Variants in KIRREL3 observed in about 807,000 individuals in gnomAD.
KIRREL3 encodes kin of IRRE-like protein 3.
KIRREL3 carries 36 observed loss-of-function variants against 89.7 expected under a neutral mutation model. That is an observed-to-expected ratio of 0.40 (90% CI 0.31 to 0.53). The LOEUF (loss-of-function observed/expected upper bound fraction) is 0.53. Ranked by LOEUF, KIRREL3 falls within the 20% of genes least tolerant of loss-of-function variation. The probability of loss-of-function intolerance (pLI) is 0.49; values close to 1 mark genes in which losing one functional copy is unlikely to be tolerated. For missense variants in KIRREL3, 864 were observed against 1,056.6 expected, an observed-to-expected ratio of 0.82 and a Z score of 2.53; for synonymous variants, 445 against 441.4, an observed-to-expected ratio of 1.01 and a Z score of -0.10.
rs141515032 is a variant in KIRREL3 at position 126,627,443 on chromosome 11, G to A, written c.56-64531C>T. On this transcript the variant is annotated intron_variant, in intron 1 of 16. Coordinates refer to ENST00000525144, the MANE Select transcript of KIRREL3 (RefSeq NM_032531.4). This position sits in a 1 kb window ranked among gnomAD's most constrained non-coding sequence, Gnocchi z 5.0. ...GGTCCTTGCTGGGACAACCAGTGGC[G>A]TCATCTTCACCAAGTCTAGGGTGGT... Among the ~76,000 whole-genome samples the A allele has an allele frequency of 1.3e-3, 191 of 152,264 alleles. 3 individuals are homozygous for A. The highest frequency in any genetic ancestry group is 4.5e-3 in the African/African-American group (185 of 41,566).
intron 1 of KIRREL3, among the ~76,000 whole-genome samples, chr11:126,858,379 G>C (rs1169733323): frequency 6.6e-6 from 1 of 152,170 alleles, no homozygotes; most frequent in Admixed American, 6.5e-5. Flanking sequence ...ACTGAGAAGG[G>C]TGTGTGTGGG....
At chr11:126,864,683 A>G (rs1944861058) in intron 1 of KIRREL3, among the ~76,000 whole-genome samples, 2 of 152,180 alleles carry the variant, frequency 1.3e-5, no homozygotes, top group East Asian at 3.9e-4. Context: ...ACATGTATTC[A>G]TCTCTCACTG....
At chr11:126,863,216 G>A (rs1944760110) in intron 1 of KIRREL3, among the ~76,000 whole-genome samples, 1 of 152,242 alleles carries the variant, frequency 6.6e-6, no homozygotes, top group South Asian at 2.1e-4. Context: ...ACCTGTGGGG[G>A]AAGACTGGAG....
In KIRREL3 at chr11:126,983,579, AT is replaced by A. The variant is rs1344411882; in HGVS notation, c.55+16875del. On this transcript the variant is annotated intron_variant, in intron 1 of 16. Coordinates refer to ENST00000525144, the MANE Select transcript of KIRREL3 (RefSeq NM_032531.4). This position sits in a 1 kb window ranked among gnomAD's most constrained non-coding sequence, Gnocchi z 4.9. ...AGAGTCAGTAGTAGGTGAGGTGAAG[AT>A]GGAAGCAAGAGGTTGGAGTGAAGGG... 6.6e-6 allele frequency among the ~76,000 whole-genome samples: 1 copy of A among 152,170 alleles called. No individual in the cohort carries two copies. The highest frequency in any genetic ancestry group is 2.4e-5 in the African/African-American group (1 of 41,438).
In KIRREL3 at chr11:126,677,052, A is replaced by T. The variant is rs1305047091; in HGVS notation, c.56-114140T>A. 6.8e-6 allele frequency among the ~76,000 whole-genome samples: 1 copy of T among 146,828 alleles called. No individual in the cohort carries two copies. The highest frequency in any genetic ancestry group is 1.5e-5 in the Non-Finnish European group (1 of 66,270). ...ATCCTCCCGCCTTGGCCTCTCAAAG[A>T]TTTTTTTTTTTTAACAGCTGTATTG... On this transcript the variant is annotated intron_variant, in intron 1 of 16. Transcript: ENST00000525144. This position sits in a 1 kb window ranked among gnomAD's most constrained non-coding sequence, Gnocchi z 5.1.
At chr11:126,539,664 C>A (rs114203167) in intron 2 of KIRREL3, among the ~76,000 whole-genome samples, 1 of 152,186 alleles carries the variant, frequency 6.6e-6, no homozygotes, top group South Asian at 2.1e-4. Context: ...GGAGGAGAAG[C>A]GCGCTTGAGG....
At chr11:126,567,311 T>C (rs1565557154) in intron 1 of KIRREL3, among the ~76,000 whole-genome samples, 1 of 152,162 alleles carries the variant, frequency 6.6e-6, no homozygotes, top group Non-Finnish European at 1.5e-5. Flanking sequence ...AGGGAGACGC[T>C]GTAAAAACTT....
At position 126,653,748 on chromosome 11, in the gene KIRREL3, G is replaced by A. The variant is rs1945006108; in HGVS notation, c.56-90836C>T. Among the ~76,000 whole-genome samples the A allele has an allele frequency of 6.6e-6, 1 of 152,214 alleles. No individual in the cohort carries two copies. Among genetic ancestry groups the A allele is most frequent in the Non-Finnish European group, 1.5e-5 (1 of 68,044 alleles). ...CTGAGGCCAAGCCCCAAAGTTCACG[G>A]ACATTCCATAAAAAGTGCACGGTGG... On this transcript the variant is annotated intron_variant, in intron 1 of 16. Transcript: ENST00000525144. This position sits in a 1 kb window ranked among gnomAD's most constrained non-coding sequence, Gnocchi z 5.4.
In KIRREL3 at chr11:126,641,978, T is replaced by C. The variant is rs2134933203; in HGVS notation, c.56-79066A>G. ...GATCCTCTCTCCATTATATGAAAAG[T>C]AGGTGTCTAGTGGGGAGGAGCTTCC... On this transcript the variant is annotated intron_variant, in intron 1 of 16. Coordinates refer to ENST00000525144, the MANE Select transcript of KIRREL3 (RefSeq NM_032531.4). This position sits in a 1 kb window ranked among gnomAD's most constrained non-coding sequence, Gnocchi z 5.0. 6.6e-6 allele frequency among the ~76,000 whole-genome samples: 1 copy of C among 152,232 alleles called. No homozygotes were observed. The highest frequency in any genetic ancestry group is 1.9e-4 in the East Asian group (1 of 5,170).
rs10790829 is a variant in KIRREL3 at position 126,795,806 on chromosome 11, T to C, written c.55+204649A>G. 0.67 allele frequency among the ~76,000 whole-genome samples: 100,816 copies of C among 151,472 alleles called. 34,497 individuals are homozygous for C. The highest frequency in any genetic ancestry group is 0.82 in the South Asian group (3,922 of 4,796). The stretch of plus-strand genomic sequence containing the variant: ...AGCCACTTCAACCACCAGTTCTTCT[T>C]CCCCCTGTGCACCCCAAGAGCGTAC... On this transcript the variant is annotated intron_variant, in intron 1 of 16. Transcript: ENST00000525144. The surrounding 1 kb of genome is among the most constrained non-coding windows in gnomAD (Gnocchi z 4.1).
In KIRREL3 at chr11:126,553,226, A is replaced by G. The variant is rs111366234; in HGVS notation, c.133+9609T>C. On this transcript the variant is annotated intron_variant, in intron 2 of 16. Transcript: ENST00000525144. The surrounding 1 kb of genome is among the most constrained non-coding windows in gnomAD (Gnocchi z 4.7). ...GTGTGTCCCTTGGTCTGAAGAAATG[A>G]TGGTCAGCTGTCCAAATGCATACAA... is the stretch of plus-strand genomic sequence containing the variant. Among the ~76,000 whole-genome samples, 1,195 of 152,266 alleles carry G rather than the reference A, an allele frequency of 7.8e-3. 6 individuals carry two copies. The highest frequency in any genetic ancestry group is 0.024 in the Middle Eastern group (7 of 294).
At chr11:126,510,423 TC>T (rs1958180192) in intron 4 of KIRREL3, among the ~76,000 whole-genome samples, 1 of 47,572 alleles carries the variant, frequency 2.1e-5, no homozygotes, top group South Asian at 9.7e-4. Flanking sequence ...TGACGTTGTT[TC>T]CTTCCTTCCT....
At position 126,723,263 on chromosome 11, in the gene KIRREL3, C is replaced by T. The variant is rs1948250884; in HGVS notation, c.56-160351G>A. ...ACAGCCCTCCTAGCAGAGACAGACACACTTTTAGTAGGGGCTAAGCTATGT... is the reference window on the plus strand; with the variant it reads ...ACAGCCCTCCTAGCAGAGACAGACATACTTTTAGTAGGGGCTAAGCTATGT... On this transcript the variant is annotated intron_variant, in intron 1 of 16. Coordinates refer to ENST00000525144, the MANE Select transcript of KIRREL3 (RefSeq NM_032531.4). This position sits in a 1 kb window ranked among gnomAD's most constrained non-coding sequence, Gnocchi z 4.0. 6.6e-6 allele frequency among the ~76,000 whole-genome samples: 1 copy of T among 152,156 alleles called. No individual in the cohort carries two copies. The highest frequency in any genetic ancestry group is 1.9e-4 in the East Asian group (1 of 5,190).
rs1391745608 is a variant in KIRREL3, at chr11:126,544,287, C to T, written c.134-17600G>A. 1 of 152,234 alleles carries T rather than the reference C, an allele frequency of 6.6e-6. No homozygotes were observed. Among genetic ancestry groups the T allele is most frequent in the African/African-American group, 2.4e-5 (1 of 41,442 alleles). The allele number at this position is 152,234 out of a possible 1,614,324, so 9.4% of individuals were successfully genotyped here. The stretch of plus-strand genomic sequence containing the variant: ...AATTTACGGGGCAAATACCATTTAA[C>T]TGCACAATAACTGCAGGTCCTTGCT... On this transcript the variant is annotated intron_variant, in intron 2 of 16. Coordinates refer to ENST00000525144, the MANE Select transcript of KIRREL3 (RefSeq NM_032531.4). This position sits in a 1 kb window ranked among gnomAD's most constrained non-coding sequence, Gnocchi z 5.6.
At chr11:126,634,505 C>T (rs1227079860) in intron 1 of KIRREL3, among the ~76,000 whole-genome samples, 1 of 152,172 alleles carries the variant, frequency 6.6e-6, no homozygotes, top group Non-Finnish European at 1.5e-5. Context: ...AGCTAATGGA[C>T]TCGGAACAAG....
intron 1 of KIRREL3, among the ~76,000 whole-genome samples, chr11:126,839,505 G>T (rs12794371): frequency 0.27 from 40,422 of 152,180 alleles, 5,862 homozygotes; most frequent in Non-Finnish European, 0.33. Flanking sequence ...TGCAGGAAAT[G>T]ACTCCTGATC....
In KIRREL3 at chr11:126,754,190, A is replaced by T. The variant is rs1949421563; in HGVS notation, c.56-191278T>A. 6.6e-6 allele frequency among the ~76,000 whole-genome samples: 1 copy of T among 152,208 alleles called. No homozygotes were observed. The highest frequency in any genetic ancestry group is 1.5e-5 in the Non-Finnish European group (1 of 68,026). On this transcript the variant is annotated intron_variant, in intron 1 of 16. Transcript: ENST00000525144. The surrounding 1 kb of genome is among the most constrained non-coding windows in gnomAD (Gnocchi z 5.1). ...TAATCCCCAAGGGAGAGCATATTTC[A>T]TTTGCAATGTCTTTTGATAGAGTAG...
In KIRREL3 at chr11:126,513,722, G is replaced by T. The variant is rs907835275; in HGVS notation, c.433+7593C>A. Among the ~76,000 whole-genome samples, 7 of 152,084 alleles carry T rather than the reference G, an allele frequency of 4.6e-5. No homozygotes were observed. Among genetic ancestry groups the T allele is most frequent in the Admixed American group, 2.0e-4 (3 of 15,280 alleles). ...CAGATTATGGGGGCAGGGAGATTGTGGGGGGCGACCTTGGAGTGCAGCAGG... is the reference window on the plus strand; with the variant it reads ...CAGATTATGGGGGCAGGGAGATTGTTGGGGGCGACCTTGGAGTGCAGCAGG... On this transcript the variant is annotated intron_variant, in intron 4 of 16. Coordinates refer to ENST00000525144, the MANE Select transcript of KIRREL3 (RefSeq NM_032531.4). The surrounding 1 kb of genome is among the most constrained non-coding windows in gnomAD (Gnocchi z 5.9).
chr11:126,437,832 C>G (rs1427313605), intron 11 of KIRREL3, among the ~76,000 whole-genome samples: 1 of 152,166 alleles, frequency 6.6e-6, no homozygotes, highest in Non-Finnish European at 1.5e-5. Flanking sequence ...GCAACACATA[C>G]ACACATTCGC....
Sources: gnomAD v4.1 joint callset for allele counts (sites outside exome capture counted in the v4.1 genomes callset) on GRCh38, gnomAD v4.1.1 for gene constraint, Gnocchi (gnomAD v3.1) non-coding constraint, MANE v1.5 for transcripts, NCBI Gene and HGNC (gene_info 2026-07-23, HGNC 2026-07-21) for gene names.